Variants in ADGRB3 observed in about 807,000 individuals in gnomAD.
ADGRB3 encodes adhesion G protein-coupled receptor B3, also known as brain-specific angiogenesis inhibitor 3.
In ADGRB3, 37 loss-of-function variants were observed where a neutral mutation model predicts 193.4. That is an observed-to-expected ratio of 0.19 (90% CI 0.15 to 0.25). The LOEUF is 0.25. Among genes scored for constraint, ADGRB3 ranks in the 10% least tolerant of loss-of-function variants. The probability of loss-of-function intolerance (pLI) is 1.00; values close to 1 mark genes in which losing one functional copy is unlikely to be tolerated. For missense variants in ADGRB3, 1,637 were observed against 1,852.9 expected (o/e 0.88, Z 2.14); for synonymous variants, 690 against 644.2 (o/e 1.07, Z -1.08).
chr6:69,066,705 T>A (rs1655550882), intron 16 of ADGRB3, among the ~76,000 whole-genome samples: 1 of 152,126 alleles, frequency 6.6e-6, no homozygotes, highest in South Asian at 2.1e-4. Flanking sequence ...TGGTCTTTAG[T>A]GCTTAAGCAT....
At chr6:68,898,267 T>G (rs1374478890) in intron 3 of ADGRB3, among the ~76,000 whole-genome samples, 3 of 151,982 alleles carry the variant, frequency 2.0e-5, no homozygotes, top group Non-Finnish European at 2.9e-5. Context: ...GATGGATGGA[T>G]GTCCTAGCTC....
intron 30 of ADGRB3, among the ~76,000 whole-genome samples, chr6:69,379,109 C>G (rs371121507): frequency 3.9e-5 from 6 of 151,944 alleles, no homozygotes; most frequent in Non-Finnish European, 8.8e-5. Context: ...TGCAAGGAAA[C>G]ATTATCATGC....
intron 17 of ADGRB3, among the ~76,000 whole-genome samples, chr6:69,204,818 A>C (rs905033917): frequency 3.1e-4 from 47 of 152,032 alleles, no homozygotes; most frequent in Non-Finnish European, 4.3e-4. Context: ...AAATTATGCA[A>C]CTGTTTTAAA....
At chr6:68,925,711 AT>A (rs1767160721) in intron 3 of ADGRB3, among the ~76,000 whole-genome samples, 1 of 152,052 alleles carries the variant, frequency 6.6e-6, no homozygotes, top group African/African-American at 2.4e-5. Flanking sequence ...GGAAATTTAT[AT>A]AAAAAATGAG....
intron 3 of ADGRB3, among the ~76,000 whole-genome samples, chr6:68,812,795 G>C (rs1257268025): frequency 1.3e-5 from 2 of 151,840 alleles, no homozygotes; most frequent in Non-Finnish European, 2.9e-5. Flanking sequence ...ATCTACATTA[G>C]GTATTTCTCC....
At chr6:68,659,154 A>C (rs1768560804) in intron 3 of ADGRB3, among the ~76,000 whole-genome samples, 1 of 151,046 alleles carries the variant, frequency 6.6e-6, no homozygotes, top group African/African-American at 2.4e-5. Context: ...AACTAAAATA[A>C]TTTTTTTGTG....
At chr6:69,365,700 G>A (rs1769553048) in intron 29 of ADGRB3, among the ~76,000 whole-genome samples, 1 of 152,060 alleles carries the variant, frequency 6.6e-6, no homozygotes, top group African/African-American at 2.4e-5. Flanking sequence ...AACCAAATAA[G>A]TCTCTCTCAA....
chr6:68,939,986 A>C (rs1767591578), intron 5 of ADGRB3, among the ~76,000 whole-genome samples: 1 of 152,220 alleles, frequency 6.6e-6, no homozygotes, highest in Admixed American at 6.5e-5. Flanking sequence ...TTTGTACTAT[A>C]AAATCTAATC....
At chr6:68,644,161 A>C (rs939420927) in intron 3 of ADGRB3, among the ~76,000 whole-genome samples, 2 of 152,066 alleles carry the variant, frequency 1.3e-5, no homozygotes, top group Non-Finnish European at 2.9e-5. Context: ...GTAAAAAAAA[A>C]CAGAAGTACA....
intron 3 of ADGRB3, among the ~76,000 whole-genome samples, chr6:68,643,438 CTTTTTT>C (rs765489730): frequency 4.0e-4 from 26 of 65,020 alleles, no homozygotes; most frequent in Admixed American, 3.9e-3. Context: ...CTTCATCTTC[CTTTTTT>C]TTTTTTTTTT....
intron 17 of ADGRB3, among the ~76,000 whole-genome samples, chr6:69,118,123 G>T (rs964025117): frequency 6.6e-5 from 10 of 152,162 alleles, no homozygotes; most frequent in Admixed American, 3.9e-4. Flanking sequence ...CAATCAAATT[G>T]AGAAAGTAGC....
chr6:68,810,112 G>A (rs746327215), intron 3 of ADGRB3, among the ~76,000 whole-genome samples: 2 of 151,988 alleles, frequency 1.3e-5, no homozygotes, highest in Non-Finnish European at 2.9e-5. Flanking sequence ...TGTTGCTGTT[G>A]TTGCTGCCTT....
intron 17 of ADGRB3, among the ~76,000 whole-genome samples, chr6:69,170,831 G>A (rs1212581565): frequency 1.3e-5 from 2 of 152,108 alleles, no homozygotes; most frequent in African/African-American, 4.8e-5. Flanking sequence ...GAGCTTATTA[G>A]TGGCACATAG....
chr6:68,849,898 T>G (rs1768362318), intron 3 of ADGRB3, among the ~76,000 whole-genome samples: 1 of 151,954 alleles, frequency 6.6e-6, no homozygotes, highest in Non-Finnish European at 1.5e-5. Context: ...AAAGAAAAAG[T>G]GAGAAGATAA....
intron 17 of ADGRB3, among the ~76,000 whole-genome samples, chr6:69,176,598 G>A (rs921401145): frequency 2.6e-5 from 4 of 151,734 alleles, no homozygotes; most frequent in Admixed American, 1.3e-4. Context: ...CCTGCTGTGT[G>A]GTGTCTTTGC....
chr6:69,347,271 G>A (rs921000673), intron 26 of ADGRB3, among the ~76,000 whole-genome samples: 4 of 152,064 alleles, frequency 2.6e-5, no homozygotes, highest in African/African-American at 7.2e-5. Context: ...ATGGGTTGAT[G>A]GGTGCAGCAA....
intron 3 of ADGRB3, among the ~76,000 whole-genome samples, chr6:68,882,016 A>G (rs1765747632): frequency 1.3e-5 from 2 of 152,152 alleles, no homozygotes. Flanking sequence ...TTCCTTGTAC[A>G]GTATTTTGTT....
At chr6:68,926,153 ATTTG>A (rs1767174730) in intron 3 of ADGRB3, among the ~76,000 whole-genome samples, 1 of 152,226 alleles carries the variant, frequency 6.6e-6, no homozygotes, top group Middle Eastern at 3.4e-3. Flanking sequence ...CTAATGCAAA[ATTTG>A]TTTGTTTGAT....
intron 3 of ADGRB3, among the ~76,000 whole-genome samples, chr6:68,765,601 T>C (rs1766494784): frequency 6.7e-6 from 1 of 150,292 alleles, no homozygotes; most frequent in Non-Finnish European, 1.5e-5. Context: ...TTAATTATGC[T>C]TCTTAGTTCA....
Sources: allele counts gnomAD v4.1 joint callset (sites outside exome capture counted in the v4.1 genomes callset), GRCh38; gene constraint gnomAD v4.1.1; transcripts MANE v1.5; gene names NCBI Gene and HGNC (gene_info 2026-07-23, HGNC 2026-07-21).